ARHGEF18: variants seen among roughly 807,000 people sequenced by gnomAD.
The protein encoded by ARHGEF18 is rho guanine nucleotide exchange factor 18.
In ARHGEF18, 93 loss-of-function variants were observed where a neutral mutation model predicts 155.7. The ratio of observed to expected loss-of-function variants is 0.60; its 90% CI spans 0.50 to 0.71. The LOEUF (loss-of-function observed/expected upper bound fraction) is 0.71. ARHGEF18 is among the 30% of genes least tolerant of loss of function. The pLI is 0.00. For missense variants in ARHGEF18, 1,593 were observed against 1,816.1 expected, an observed-to-expected ratio of 0.88 and a Z score of 2.23; for synonymous variants, 742 against 753.1, an observed-to-expected ratio of 0.99 and a Z score of 0.24.
intron 1 of ARHGEF18, among the ~76,000 whole-genome samples, chr19:7,358,236 T>TCCATCCATCCATCCATCCATCCAC (rs1568261540): frequency 7.7e-6 from 1 of 130,644 alleles, no homozygotes; most frequent in Non-Finnish European, 1.5e-5. Context: ...CATCCATCCA[T>TCCATCCATCCATCCATCCATCCAC]CCATCCACCC....
intron 5 of ARHGEF18, among the ~76,000 whole-genome samples, chr19:7,377,774 T>G (rs1420170698): frequency 8.4e-6 from 1 of 119,072 alleles, no homozygotes; most frequent in African/African-American, 3.6e-5. Flanking sequence ...GGTGACAGAG[T>G]GAAACCGTCT....
chr19:7,418,607 C>T (rs182940272), intron 10 of ARHGEF18, among the ~76,000 whole-genome samples: 51 of 152,026 alleles, frequency 3.4e-4, no homozygotes, highest in Non-Finnish European at 6.0e-4. Flanking sequence ...GCAGGCACTA[C>T]GATTATCCCC....
chr19:7,450,921 A>T (rs74180106), intron 15 of ARHGEF18, among the ~76,000 whole-genome samples: 3 of 100,176 alleles, frequency 3.0e-5, no homozygotes, highest in South Asian at 3.0e-4. Flanking sequence ...ATGTTAATGC[A>T]GGATCTTGCT....
chr19:7,441,712 CTGA>C lies in ARHGEF18; in HGVS notation c.1170_1172del (p.Asp391del), dbSNP rs1974655720. The C allele has an allele frequency of 6.2e-7, 1 of 1,614,100 alleles. No individual in the cohort carries two copies. Among genetic ancestry groups the C allele is most frequent in the South Asian group, 1.1e-5 (1 of 91,094 alleles). ...GCGTTTTTAAAATTTAAGCAGACAG[CTGA>C]TGACTCTCTGTCCCTTACATCTCCA... On this transcript the variant is annotated inframe_deletion, in exon 12 of 29. Transcript: ENST00000668164.
At chr19:7,457,784 G>A (rs1238447853) in intron 18 of ARHGEF18, among the ~76,000 whole-genome samples, 3 of 152,040 alleles carry the variant, frequency 2.0e-5, no homozygotes, top group Non-Finnish European at 2.9e-5. Context: ...GTTAAAATGT[G>A]CATTTTGCTG....
chr19:7,383,917 G>A (rs1970866253), intron 10 of ARHGEF18, among the ~76,000 whole-genome samples: 1 of 152,042 alleles, frequency 6.6e-6, no homozygotes, highest in South Asian at 2.1e-4. Context: ...GGTGGTGAGG[G>A]AAAGAGTCTC....
chr19:7,385,863 CT>C (rs1568285742), intron 10 of ARHGEF18, among the ~76,000 whole-genome samples: 9 of 106,290 alleles, frequency 8.5e-5, no homozygotes, highest in African/African-American at 4.0e-4. Context: ...CTCTCTCTCT[CT>C]CTCTCTCCCC....
chr19:7,477,599 C>A, the ARHGEF18 span, among the ~76,000 whole-genome samples: 1 of 152,166 alleles, frequency 6.6e-6, no homozygotes, highest in African/African-American at 2.4e-5. Context: ...GAGACTGAGT[C>A]CCCATCACCC....
intron 6 of ARHGEF18, 85 bp downstream of exon 6, chr19:7,378,536 CA>C: frequency 8.9e-7 from 1 of 1,125,164 alleles, no homozygotes; most frequent in Non-Finnish European, 1.1e-6. Context: ...TGCCAGGGTG[CA>C]GTGTTGCTGG....
chr19:7,473,751 G>C (rs62109842), downstream of ARHGEF18, among the ~76,000 whole-genome samples: 6 of 148,580 alleles, frequency 4.0e-5, no homozygotes, highest in Non-Finnish European at 7.4e-5. Flanking sequence ...CGGAGCTTGC[G>C]GTGAGCCGAG....
chr19:7,414,614 T>TCCTG (rs1053184308), intron 10 of ARHGEF18, among the ~76,000 whole-genome samples: 4 of 151,782 alleles, frequency 2.6e-5, no homozygotes, highest in African/African-American at 9.7e-5. Flanking sequence ...ATCGAGACCA[T>TCCTG]CCTGGCCAAG....
rs769969761 is a variant in ARHGEF18, at chr19:7,464,680, C to T, written c.2894C>T (p.Ser965Leu). 4.3e-6 allele frequency: 7 copies of T among 1,613,974 alleles called. No individual in the cohort carries two copies. In the South Asian group the frequency reaches 4.4e-5, roughly 10 times the overall value. ...DSDIPGSSEESPQVVEAPGTE... is the reference protein window; with the variant it reads ...DSDIPGSSEELPQVVEAPGTE... ...GACATTCCTGGGAGCTCTGAGGAAT[C>T]GCCGCAGGTGGTACGTGGATATCCA... The change falls in exon 23 of 29, where the codon TCG becomes TTG. Residue 965 changes from serine (S) to leucine (L), a missense_variant. Coordinates refer to ENST00000668164, the MANE Select transcript of ARHGEF18 (RefSeq NM_001367823.1).
At chr19:7,435,157 C>G (rs1355056383) in intron 10 of ARHGEF18, among the ~76,000 whole-genome samples, 1 of 151,972 alleles carries the variant, frequency 6.6e-6, no homozygotes, top group East Asian at 1.9e-4. Flanking sequence ...CGAGATCACC[C>G]TCACTGTTTT....
chr19:7,449,535 G>A lies in ARHGEF18; in HGVS notation c.1738-1614G>A, dbSNP rs142128058. On this transcript the variant is annotated intron_variant, in intron 15 of 28. Transcript: ENST00000668164. ...TTGCAGTGAGCTGAGATCACACCCA[G>A]GGACCCATTCAAAAGGCACAGGCCC... 4.2e-4 allele frequency among the ~76,000 whole-genome samples: 64 copies of A among 152,218 alleles called. 1 individual carries two copies. Among genetic ancestry groups the A allele is most frequent in the African/African-American group, 1.4e-3 (59 of 41,534 alleles).
chr19:7,355,980 C>G (rs779651975), intron 1 of ARHGEF18, among the ~76,000 whole-genome samples: 7 of 152,186 alleles, frequency 4.6e-5, no homozygotes, highest in African/African-American at 7.2e-5. Context: ...CTTAACTCAG[C>G]CGCTGAACTC....
At chr19:7,410,027 A>G (rs1972585082) in intron 10 of ARHGEF18, among the ~76,000 whole-genome samples, 1 of 139,598 alleles carries the variant, frequency 7.2e-6, no homozygotes, top group African/African-American at 2.8e-5. Context: ...TGACCTCGTG[A>G]TCCACCCGCC....
downstream of ARHGEF18, among the ~76,000 whole-genome samples, chr19:7,476,356 G>A (rs956689464): frequency 6.6e-6 from 1 of 152,226 alleles, no homozygotes; most frequent in African/African-American, 2.4e-5. Flanking sequence ...TGAGGCCCAA[G>A]GGCGCACACA....
intron 10 of ARHGEF18, among the ~76,000 whole-genome samples, chr19:7,432,903 T>C (rs1185174621): frequency 6.6e-6 from 1 of 152,246 alleles, no homozygotes; most frequent in African/African-American, 2.4e-5. Flanking sequence ...CCCATGCCTA[T>C]AATCCCAGCA....
chr19:7,362,104 AAGG>A lies in ARHGEF18; in HGVS notation c.-110-674_-110-672del, dbSNP rs1367036830. 3.5e-4 allele frequency among the ~76,000 whole-genome samples: 8 copies of A among 22,708 alleles called. 2 individuals carry two copies. Among genetic ancestry groups the A allele is most frequent in the African/African-American group, 3.4e-3 (8 of 2,384 alleles). The allele number at this position is 22,708 out of a possible 152,430, so 14.9% of individuals were successfully genotyped here. ...GAAGGAGAAGGAGAAGGAGAAGGAGAAGGAGAAGGAGAAGGAGAAGGAGAAGGA... is the reference window on the plus strand; with the variant it reads ...GAAGGAGAAGGAGAAGGAGAAGGAGAAGAAGGAGAAGGAGAAGGAGAAGGA... On this transcript the variant is annotated intron_variant, in intron 1 of 28. Coordinates refer to ENST00000668164, the MANE Select transcript of ARHGEF18 (RefSeq NM_001367823.1).
Sources: gnomAD v4.1 joint callset for allele counts (sites outside exome capture counted in the v4.1 genomes callset) on GRCh38, gnomAD v4.1.1 for gene constraint, MANE v1.5 for transcripts, NCBI Gene and HGNC (gene_info 2026-07-23, HGNC 2026-07-21) for gene names.